Variants in TP53AIP1 observed in about 807,000 individuals in gnomAD.
TP53AIP1 encodes tumor protein p53 regulated apoptosis inducing protein 1, also known as p53-regulated apoptosis-inducing protein 1.
In TP53AIP1, 14 loss-of-function variants were observed where a neutral mutation model predicts 9.5. That is an observed-to-expected ratio of 1.47 (90% confidence interval 0.97 to 2.30). The LOEUF (loss-of-function observed/expected upper bound fraction) is 2.30. Ranked by LOEUF, TP53AIP1 falls within the 30% of genes most tolerant of loss-of-function variation. The pLI is 0.00. For synonymous variants in TP53AIP1, 73 were observed against 61.2 expected, an observed-to-expected ratio of 1.19 and a Z score of -0.90; for missense variants, 153 against 146.7, an observed-to-expected ratio of 1.04 and a Z score of -0.22.
At position 128,937,803 on chromosome 11, in the gene TP53AIP1, C is replaced by T; in HGVS notation, c.16G>A (p.Glu6Lys). The T allele has an allele frequency of 6.2e-7, 1 of 1,611,302 alleles. No individual in the cohort carries two copies. Among genetic ancestry groups the T allele is most frequent in the African/African-American group, 1.3e-5 (1 of 74,874 alleles). ...GCTTGAGCAGATCTGAAGCTCGCCT[C>T]AGAGGAAGATCCCATCCAGGGGAGG... MGSSS[E>K]ASFRSAQASC... The change falls in exon 2 of 4, where the codon GAG becomes AAG. Residue 6 changes from glutamate (E) to lysine (K), a missense_variant. Coordinates refer to ENST00000531399, the MANE Select transcript of TP53AIP1 (RefSeq NM_022112.3). The surrounding 1 kb of genome is among the most constrained non-coding windows in gnomAD (Gnocchi z 4.8).
chr11:128,936,380 C>T (rs1169656331), intron 3 of TP53AIP1, 158 bp downstream of exon 3: 4 of 1,414,236 alleles, frequency 2.8e-6, no homozygotes, highest in South Asian at 1.6e-5. Flanking sequence ...CAGCAGTTTA[C>T]AACTCTGCCA....
chr11:128,942,624 G>T lies in TP53AIP1; in HGVS notation c.-77+170C>A, dbSNP rs543218386. Among the ~76,000 whole-genome samples, 3 of 152,332 alleles carry T rather than the reference G, an allele frequency of 2.0e-5. No homozygotes were observed. In the South Asian group the frequency reaches 6.2e-4, roughly 32 times the overall value. On this transcript the variant is annotated intron_variant, in intron 1 of 3. Coordinates refer to ENST00000531399, the MANE Select transcript of TP53AIP1 (RefSeq NM_022112.3). Reference sequence around the variant, plus strand: ...CAGGGTTCAGAACCATTGAGAGAGAGCAGTTTAGCTGACCTCCTCCAGGCC... The same window carrying T: ...CAGGGTTCAGAACCATTGAGAGAGATCAGTTTAGCTGACCTCCTCCAGGCC...
chr11:128,940,502 G>A (rs1172617004), intron 1 of TP53AIP1, among the ~76,000 whole-genome samples: 7 of 152,172 alleles, frequency 4.6e-5, no homozygotes, highest in African/African-American at 1.7e-4. Flanking sequence ...ACATTCACTC[G>A]TTGCCCTTCC....
At chr11:128,940,403 T>C (rs1944918231) in intron 1 of TP53AIP1, among the ~76,000 whole-genome samples, 1 of 152,172 alleles carries the variant, frequency 6.6e-6, no homozygotes, top group South Asian at 2.1e-4. Context: ...GTGTTGCCAA[T>C]GTGCTAGCAT....
At position 128,937,423 on chromosome 11, in the gene TP53AIP1, C is replaced by T; in HGVS notation, c.141+255G>A. The T allele has an allele frequency of 6.9e-7, 1 of 1,459,574 alleles. No individual in the cohort carries two copies. Among genetic ancestry groups the T allele is most frequent in the Non-Finnish European group, 9.0e-7 (1 of 1,107,608 alleles). The allele number at this position is 1,459,574 out of a possible 1,614,324, so 90.4% of individuals were successfully genotyped here. A position where few individuals can be genotyped will look rare whatever the true frequency, so the allele number is the denominator to read the frequency against. The stretch of plus-strand genomic sequence containing the variant: ...CTTGTTTCTCAGAAAACCTTTCTGC[C>T]TCCTAGAAACCCAGGATTCCGAGGA... On this transcript the variant is annotated intron_variant, in intron 2 of 3. Transcript: ENST00000531399. The surrounding 1 kb of genome is among the most constrained non-coding windows in gnomAD (Gnocchi z 4.8).
intron 1 of TP53AIP1, among the ~76,000 whole-genome samples, chr11:128,942,039 ACT>A (rs34622400): frequency 0.28 from 42,969 of 151,898 alleles, 6,633 homozygotes; most frequent in Middle Eastern, 0.41. Flanking sequence ...GGCTGTGGAC[ACT>A]CTGCATCCCC....
Position 128,937,889 on chromosome 11 carries a change from A to C in TP53AIP1, c.-71T>G, listed in dbSNP as rs1472555436. On this transcript the variant is annotated 5_prime_UTR_variant, in exon 2 of 4. An upstream open reading frame in the 5' UTR gains an earlier in-frame stop. Coordinates refer to ENST00000531399, the MANE Select transcript of TP53AIP1 (RefSeq NM_022112.3). The surrounding 1 kb of genome is among the most constrained non-coding windows in gnomAD (Gnocchi z 4.8). ...TCATTTGTTGTTAGGGCCAGTCCCT[A>C]AGGGACTAAAAACAAACAAAACAGG... 4.0e-6 allele frequency: 6 copies of C among 1,483,022 alleles called. No homozygotes were observed. Among genetic ancestry groups the C allele is most frequent in the Middle Eastern group, 1.8e-4 (1 of 5,438 alleles). The allele number at this position is 1,483,022 out of a possible 1,614,324, so 91.9% of individuals were successfully genotyped here.
In TP53AIP1 at chr11:128,937,647, G is replaced by A; in HGVS notation, c.141+31C>T. 6.2e-7 allele frequency: 1 copy of A among 1,614,178 alleles called. No homozygotes were observed. On this transcript the variant is annotated intron_variant, in intron 2 of 3. Coordinates refer to ENST00000531399, the MANE Select transcript of TP53AIP1 (RefSeq NM_022112.3). The surrounding 1 kb of genome is among the most constrained non-coding windows in gnomAD (Gnocchi z 4.8). ...CTGCCCGGGGCTGTGGCAGGCAAAA[G>A]ACCGTCTCGGTTTTCACTGCAGGGA... is the stretch of plus-strand genomic sequence containing the variant.
At chr11:128,938,019 G>C (rs1319343879) in intron 1 of TP53AIP1, 125 bp from the exon 2 acceptor site, 1 of 627,894 alleles carries the variant, frequency 1.6e-6, no homozygotes, top group Non-Finnish European at 2.7e-6. Context: ...GATGCACCCA[G>C]AGACCCTAGG....
Sources: gnomAD v4.1 joint callset for allele counts (sites outside exome capture counted in the v4.1 genomes callset) on GRCh38, gnomAD v4.1.1 for gene constraint, Gnocchi (gnomAD v3.1) non-coding constraint, MANE v1.5 for transcripts, NCBI Gene and HGNC (gene_info 2026-07-23, HGNC 2026-07-21) for gene names.